APPL2: variants seen among roughly 807,000 people sequenced by gnomAD.
APPL2 encodes DCC-interacting protein 13-beta.
In APPL2, 84 loss-of-function variants were observed where a neutral mutation model predicts 92.7. The ratio of observed to expected loss-of-function variants is 0.91; its 90% CI spans 0.76 to 1.09. The LOEUF (loss-of-function observed/expected upper bound fraction) is 1.09. Among genes scored for constraint, APPL2 ranks in the 50% least tolerant of loss-of-function variants. APPL2 has a pLI of 0.00. For missense variants in APPL2, 736 were observed against 824.5 expected (o/e 0.89, Z 1.31); for synonymous variants, 291 against 291.0 (o/e 1.00, Z 0.00).
At chr12:105,198,652 A>ACTGGGTTTC (rs1388957269) in intron 10 of APPL2, among the ~76,000 whole-genome samples, 1 of 152,210 alleles carries the variant, frequency 6.6e-6, no homozygotes, top group Admixed American at 6.5e-5. Flanking sequence ...GTCCAAAGGC[A>ACTGGGTTTC]CTGGGTTTCC....
rs557744217 is a variant in APPL2 at position 105,234,864 on chromosome 12, A to T, written c.54+1095T>A. 1.6e-3 allele frequency among the ~76,000 whole-genome samples: 241 copies of T among 152,244 alleles called. 2 individuals carry two copies. Among genetic ancestry groups the T allele is most frequent in the African/African-American group, 5.7e-3 (237 of 41,544 alleles). On this transcript the variant is annotated intron_variant, in intron 1 of 20. Transcript: ENST00000258530. ...AACAAAACAAACAAACAAAAAACAC[A>T]CACACAGCTTGCTTCCAGTTCCTTA...
intron 9 of APPL2, among the ~76,000 whole-genome samples, chr12:105,202,228 C>T (rs1248669798): frequency 6.6e-6 from 1 of 152,168 alleles, no homozygotes; most frequent in East Asian, 1.9e-4. Context: ...CAGAACCAGC[C>T]CCAGCCTGCA....
chr12:105,235,710 A>C (rs913641894), intron 1 of APPL2, among the ~76,000 whole-genome samples: 1 of 152,116 alleles, frequency 6.6e-6, no homozygotes, highest in Non-Finnish European at 1.5e-5. Flanking sequence ...CTGAGCTTGC[A>C]GGGGGGTCAC....
chr12:105,213,179 T>C (rs1889367092), intron 4 of APPL2, among the ~76,000 whole-genome samples: 1 of 152,196 alleles, frequency 6.6e-6, no homozygotes, highest in Non-Finnish European at 1.5e-5. Context: ...AGATTAAGTG[T>C]CTTTCCAATG....
intron 2 of APPL2, among the ~76,000 whole-genome samples, chr12:105,219,320 T>A (rs762123139): frequency 6.6e-6 from 1 of 152,230 alleles, no homozygotes; most frequent in Non-Finnish European, 1.5e-5. Flanking sequence ...TAGGCATTAA[T>A]AGACCAGGAA....
chr12:105,219,249 T>G (rs1276788648), intron 2 of APPL2, among the ~76,000 whole-genome samples: 1 of 152,248 alleles, frequency 6.6e-6, no homozygotes, highest in Non-Finnish European at 1.5e-5. Flanking sequence ...TACCTTTTTT[T>G]GACCCTCTTC....
chr12:105,188,217 T>C (rs1886897519), intron 17 of APPL2, 56 bp downstream of exon 17: 1 of 1,586,668 alleles, frequency 6.3e-7, no homozygotes, highest in Non-Finnish European at 8.6e-7. Context: ...TGCATTAGCC[T>C]TAAAAGGGGA....
At chr12:105,201,431 TCA>T (rs1189079850) in intron 9 of APPL2, among the ~76,000 whole-genome samples, 1 of 152,120 alleles carries the variant, frequency 6.6e-6, no homozygotes, top group Non-Finnish European at 1.5e-5. Flanking sequence ...CAAGAGCCTG[TCA>T]AGAGCTCAGG....
chr12:105,189,310 C>T (rs1372418154), intron 16 of APPL2, among the ~76,000 whole-genome samples: 3 of 152,122 alleles, frequency 2.0e-5, no homozygotes, highest in Middle Eastern at 6.3e-3. Flanking sequence ...GGATTACAGG[C>T]GTGAGCCAGC....
At chr12:105,233,605 G>C (rs541882729) in intron 1 of APPL2, among the ~76,000 whole-genome samples, 1 of 152,342 alleles carries the variant, frequency 6.6e-6, no homozygotes, top group African/African-American at 2.4e-5. Context: ...ACACACAATA[G>C]ATGGTTTATT....
intron 17 of APPL2, among the ~76,000 whole-genome samples, chr12:105,179,555 G>A (rs1440574546): frequency 5.3e-5 from 8 of 152,266 alleles, no homozygotes; most frequent in South Asian, 2.1e-4. Flanking sequence ...TTGAGGAATC[G>A]CCACACTGTC....
At chr12:105,176,315 G>C (rs538604817) in intron 19 of APPL2, 1 of 547,012 alleles carries the variant, frequency 1.8e-6, no homozygotes, top group Non-Finnish European at 3.1e-6. Context: ...GTGAAACTCA[G>C]GTAATTCCAG....
intron 1 of APPL2, among the ~76,000 whole-genome samples, chr12:105,235,087 T>A (rs183977149): frequency 6.6e-6 from 1 of 152,316 alleles, no homozygotes; most frequent in Admixed American, 6.5e-5. Flanking sequence ...AATCTTATTC[T>A]AAGTTTTCAA....
rs1186017789 is a variant in APPL2 at position 105,176,902 on chromosome 12, A to G, written c.1786T>C (p.Phe596Leu). 6.2e-7 allele frequency: 1 copy of G among 1,614,040 alleles called. No individual in the cohort carries two copies. The highest frequency in any genetic ancestry group is 8.5e-7 in the Non-Finnish European group (1 of 1,179,958). Residue 596 changes from phenylalanine (F) to leucine (L), a missense_variant, in exon 19 of 21, where the codon TTT becomes CTT. By Grantham distance (22) the Phe-to-Leu change is conservative. Coordinates refer to ENST00000258530, the MANE Select transcript of APPL2 (RefSeq NM_018171.5). ...TTTTCGCCTTCTGAGTTGCTTTCAA[A>G]AATGTATGTACTCAGAGATTCTTCT... ...TGEESLSTYI[F>L]ESNSEGEKIC...
At chr12:105,226,533 T>C (rs1465077426) in intron 2 of APPL2, among the ~76,000 whole-genome samples, 1 of 152,214 alleles carries the variant, frequency 6.6e-6, no homozygotes, top group Non-Finnish European at 1.5e-5. Flanking sequence ...GAGACAGCGT[T>C]TGGATAACCC....
At chr12:105,177,717 A>C in intron 17 of APPL2, among the ~76,000 whole-genome samples, 1 of 152,222 alleles carries the variant, frequency 6.6e-6, no homozygotes, top group Non-Finnish European at 1.5e-5. Flanking sequence ...GATTTTGACA[A>C]AACTCTTATC....
chr12:105,189,936 A>G (rs1887052568), intron 15 of APPL2, 55 bp downstream of exon 15: 3 of 1,611,776 alleles, frequency 1.9e-6, no homozygotes, highest in Non-Finnish European at 2.5e-6. Context: ...GGGGGACACA[A>G]GATACCTCAA....
chr12:105,186,665 C>CATATATGATATATTATATCAT (rs1566056351), intron 17 of APPL2, among the ~76,000 whole-genome samples: 11 of 109,896 alleles, frequency 1.0e-4, no homozygotes, highest in African/African-American at 2.6e-4. Flanking sequence ...TCATATATAT[C>CATATATGATATATTATATCAT]ATATATATGA....
At chr12:105,201,650 A>C (rs867272527) in intron 9 of APPL2, among the ~76,000 whole-genome samples, 9 of 152,048 alleles carry the variant, frequency 5.9e-5, no homozygotes, top group Middle Eastern at 3.4e-3. Flanking sequence ...CCAAAGGAAC[A>C]GGGTCAAAAT....
Sources: gnomAD v4.1 joint callset for allele counts (sites outside exome capture counted in the v4.1 genomes callset) on GRCh38, gnomAD v4.1.1 for gene constraint, MANE v1.5 for transcripts, NCBI Gene and HGNC (gene_info 2026-07-23, HGNC 2026-07-21) for gene names.